IMMP2L: variants seen among roughly 807,000 people sequenced by gnomAD.
IMMP2L encodes the protein inner mitochondrial membrane peptidase subunit 2, also known as mitochondrial inner membrane protease subunit 2.
In IMMP2L, 18 loss-of-function variants were observed where a neutral mutation model predicts 19.3. The observed-to-expected ratio is 0.93, with a 90% CI of 0.64 to 1.38. The LOEUF (loss-of-function observed/expected upper bound fraction) is 1.38, where lower values mean the gene tolerates loss of function less well. Among genes scored for constraint, IMMP2L ranks in the 40% most tolerant of loss-of-function variants. The pLI is 0.00. For missense variants in IMMP2L, 233 were observed against 218.2 expected (o/e 1.07, Z -0.43); for synonymous variants, 76 against 73.0 (o/e 1.04, Z -0.21).
At chr7:111,450,867 AAAAC>A (rs1265766655) in intron 3 of IMMP2L, among the ~76,000 whole-genome samples, 60 of 150,914 alleles carry the variant, frequency 4.0e-4, no homozygotes, top group African/African-American at 2.4e-5. Context: ...TTACAAGAAA[AAAAC>A]AAACAACCCC....
rs1563165870 is a variant in IMMP2L, at chr7:111,417,266, A to G, written c.239+69972T>C. The stretch of plus-strand genomic sequence containing the variant: ...TTTGTAAAAGTAAGATACTTTGCCA[A>G]TGAAATATCTTTCTCCACTTCCTCT... On this transcript the variant is annotated intron_variant, in intron 3 of 5. Transcript: ENST00000405709. Among the ~76,000 whole-genome samples the G allele has an allele frequency of 2.0e-5, 3 of 151,796 alleles. 1 individual carries two copies. Among genetic ancestry groups the G allele is most frequent in the South Asian group, 2.1e-4 (1 of 4,826 alleles).
intron 4 of IMMP2L, among the ~76,000 whole-genome samples, chr7:110,952,502 C>CTTCATAATGTCCA (rs796214699): frequency 2.0e-5 from 3 of 152,222 alleles, no homozygotes; most frequent in African/African-American, 7.2e-5. Flanking sequence ...CAAAGGAGAA[C>CTTCATAATGTCCA]TTCATAATGT....
chr7:111,155,252 C>T (rs553670248), intron 3 of IMMP2L, among the ~76,000 whole-genome samples: 8 of 152,086 alleles, frequency 5.3e-5, no homozygotes, highest in African/African-American at 1.4e-4. Flanking sequence ...TAGTGTGTGT[C>T]GTTACTTTGG....
At chr7:110,830,593 A>G (rs941084161) in intron 5 of IMMP2L, among the ~76,000 whole-genome samples, 7 of 152,132 alleles carry the variant, frequency 4.6e-5, no homozygotes, top group African/African-American at 1.4e-4. Context: ...AAAAACATCA[A>G]AATATTTCAA....
chr7:110,997,743 A>G (rs1305878558), intron 3 of IMMP2L, among the ~76,000 whole-genome samples: 1 of 151,984 alleles, frequency 6.6e-6, no homozygotes, highest in East Asian at 1.9e-4. Flanking sequence ...AGAGTTCTTC[A>G]TATATTCTAG....
chr7:111,191,745 C>T (rs1050967985), intron 3 of IMMP2L, among the ~76,000 whole-genome samples: 3 of 151,990 alleles, frequency 2.0e-5, no homozygotes, highest in African/African-American at 7.3e-5. Flanking sequence ...CTGAGCTGAA[C>T]AAGAAAACAT....
intron 5 of IMMP2L, among the ~76,000 whole-genome samples, chr7:110,691,202 A>G (rs947505129): frequency 6.6e-6 from 1 of 152,180 alleles, no homozygotes; most frequent in Non-Finnish European, 1.5e-5. Context: ...AAAGCATAGA[A>G]AAACATAAAT....
At chr7:111,190,178 T>C (rs923639225) in intron 3 of IMMP2L, among the ~76,000 whole-genome samples, 17 of 152,124 alleles carry the variant, frequency 1.1e-4, no homozygotes, top group Non-Finnish European at 1.0e-4. Flanking sequence ...AGTAGGTATA[T>C]GCTTTATCAT....
rs1017133144 is a variant in IMMP2L at position 111,123,871 on chromosome 7, AGTAAC to A, written c.240-160311_240-160307del. ...AAACCTCAAGGAAATCAGCATACACAGTAACCCCATCAGGTGTGACTGTGTCATCC... is the reference window on the plus strand; with the variant it reads ...AAACCTCAAGGAAATCAGCATACACACCCATCAGGTGTGACTGTGTCATCC... On this transcript the variant is annotated intron_variant, in intron 3 of 5. Coordinates refer to ENST00000405709, the MANE Select transcript of IMMP2L (RefSeq NM_032549.4). This position sits in a 1 kb window ranked among gnomAD's most constrained non-coding sequence, Gnocchi z 6.4. 6.2e-7 allele frequency: 1 copy of A among 1,613,926 alleles called. No homozygotes were observed. The highest frequency in any genetic ancestry group is 1.3e-5 in the African/African-American group (1 of 74,910).
intron 2 of IMMP2L, among the ~76,000 whole-genome samples, chr7:111,517,447 C>CAA (rs11438855): frequency 1.6e-3 from 224 of 140,508 alleles, no homozygotes; most frequent in Admixed American, 1.4e-3. Flanking sequence ...GTATCAATTG[C>CAA]AAAAAAAAAA....
chr7:111,163,113 T>C (rs189150081), intron 3 of IMMP2L, among the ~76,000 whole-genome samples: 11 of 152,216 alleles, frequency 7.2e-5, no homozygotes, highest in Non-Finnish European at 1.5e-4. Flanking sequence ...CTCAAGGACC[T>C]GAGCGCTCTA....
At chr7:111,231,903 C>T (rs545232871) in intron 3 of IMMP2L, among the ~76,000 whole-genome samples, 28 of 151,846 alleles carry the variant, frequency 1.8e-4, no homozygotes, top group African/African-American at 6.3e-4. Context: ...TAAAAATCAC[C>T]GCCAAATTTC....
At chr7:110,891,749 A>G (rs193014925) in intron 4 of IMMP2L, among the ~76,000 whole-genome samples, 194 of 152,286 alleles carry the variant, frequency 1.3e-3, no homozygotes, top group Middle Eastern at 0.01. Flanking sequence ...ATATAACTAA[A>G]TAAGTGGGTT....
chr7:111,302,120 A>G (rs568040945), intron 3 of IMMP2L, among the ~76,000 whole-genome samples: 2 of 152,006 alleles, frequency 1.3e-5, no homozygotes, highest in East Asian at 3.9e-4. Flanking sequence ...AGTACATCTT[A>G]GTAACTTCAC....
At chr7:110,810,944 C>G (rs1432223534) in intron 5 of IMMP2L, among the ~76,000 whole-genome samples, 1 of 151,914 alleles carries the variant, frequency 6.6e-6, no homozygotes, top group Non-Finnish European at 1.5e-5. Flanking sequence ...AAGCTGAAAC[C>G]ACTTCCATTT....
chr7:110,933,472 G>C (rs1340656468), intron 4 of IMMP2L, among the ~76,000 whole-genome samples: 1 of 152,130 alleles, frequency 6.6e-6, no homozygotes, highest in African/African-American at 2.4e-5. Flanking sequence ...ACACAACAGA[G>C]AAGGCATTAA....
At chr7:110,901,121 C>G (rs935857005) in intron 4 of IMMP2L, among the ~76,000 whole-genome samples, 1 of 152,088 alleles carries the variant, frequency 6.6e-6, no homozygotes, top group East Asian at 1.9e-4. Flanking sequence ...CTGTCACACT[C>G]TACTCTTCAG....
intron 5 of IMMP2L, among the ~76,000 whole-genome samples, chr7:110,848,397 T>C (rs940847130): frequency 2.0e-5 from 3 of 152,094 alleles, no homozygotes; most frequent in South Asian, 2.1e-4. Flanking sequence ...AAATCCGAAA[T>C]GCTGACAACC....
chr7:111,142,699 T>C (rs915773527), intron 3 of IMMP2L, among the ~76,000 whole-genome samples: 3 of 152,106 alleles, frequency 2.0e-5, no homozygotes, highest in Non-Finnish European at 4.4e-5. Context: ...ATAAAGGTCA[T>C]GTGTGTTAAT....
Sources: allele counts gnomAD v4.1 joint callset (sites outside exome capture counted in the v4.1 genomes callset), GRCh38; gene constraint gnomAD v4.1.1; non-coding constraint Gnocchi (gnomAD v3.1); transcripts MANE v1.5; gene names NCBI Gene and HGNC (gene_info 2026-07-23, HGNC 2026-07-21).